Variants in NEK7 observed in about 807,000 individuals in gnomAD.
NEK7 encodes NIMA related kinase 7.
In NEK7, 18 loss-of-function variants were observed where a neutral mutation model predicts 44.6. That is an observed-to-expected ratio of 0.40 (90% CI 0.28 to 0.60). NEK7 has a LOEUF of 0.60. Ranked by LOEUF, NEK7 falls within the 20% of genes least tolerant of loss-of-function variation. The probability of loss-of-function intolerance (pLI) is 0.38; values close to 1 mark genes in which losing one functional copy is unlikely to be tolerated. For synonymous variants in NEK7, 130 were observed against 121.1 expected (o/e 1.07, Z -0.48); for missense variants, 256 against 366.5 (o/e 0.70, Z 2.46).
intron 1 of NEK7, among the ~76,000 whole-genome samples, chr1:198,211,826 C>T (rs1015808992): frequency 1.3e-5 from 2 of 152,080 alleles, no homozygotes; most frequent in African/African-American, 4.8e-5. Flanking sequence ...AGAAGCAACA[C>T]CGGAACTTAA....
chr1:198,293,565 A>C (rs1242220998), intron 8 of NEK7, among the ~76,000 whole-genome samples: 1 of 151,872 alleles, frequency 6.6e-6, no homozygotes, highest in Non-Finnish European at 1.5e-5. Context: ...CTTTTGTTCT[A>C]CTGGTGATCA....
chr1:198,219,255 A>G (rs1197377779), intron 1 of NEK7, among the ~76,000 whole-genome samples: 1 of 150,036 alleles, frequency 6.7e-6, no homozygotes, highest in Non-Finnish European at 1.5e-5. Flanking sequence ...TATTTTACAT[A>G]AAAATGTTTA....
intron 1 of NEK7, among the ~76,000 whole-genome samples, chr1:198,215,675 G>A (rs529442539): frequency 5.9e-5 from 9 of 152,146 alleles, no homozygotes; most frequent in African/African-American, 1.4e-4. Flanking sequence ...CACCTAACAC[G>A]TGAGGATTCT....
intron 1 of NEK7, among the ~76,000 whole-genome samples, chr1:198,176,935 T>G (rs1317908): frequency 0.47 from 72,094 of 151,890 alleles, 18,523 homozygotes; most frequent in East Asian, 0.9. Context: ...AGATGCAATA[T>G]AATTGGAAAT....
At chr1:198,212,424 T>A (rs554600668) in intron 1 of NEK7, among the ~76,000 whole-genome samples, 33 of 152,182 alleles carry the variant, frequency 2.2e-4, no homozygotes, top group Admixed American at 7.2e-4. Flanking sequence ...GCCACGTACC[T>A]GGGAGCAGAG....
At chr1:198,277,108 A>G (rs934789235) in intron 5 of NEK7, among the ~76,000 whole-genome samples, 5 of 151,812 alleles carry the variant, frequency 3.3e-5, no homozygotes, top group Non-Finnish European at 7.4e-5. Context: ...TTGGTCATTT[A>G]TAGGTATTGT....
intron 1 of NEK7, among the ~76,000 whole-genome samples, chr1:198,159,279 AG>A (rs751398201): frequency 6.6e-6 from 1 of 151,976 alleles, no homozygotes; most frequent in Non-Finnish European, 1.5e-5. Flanking sequence ...CGCCAGGCTG[AG>A]GGCCAGCCTG....
intron 5 of NEK7, among the ~76,000 whole-genome samples, chr1:198,267,352 A>G (rs1326050280): frequency 6.6e-6 from 1 of 152,182 alleles, no homozygotes; most frequent in Non-Finnish European, 1.5e-5. Context: ...GCTAAAAGCA[A>G]GTAGAATATA....
At chr1:198,255,048 C>T (rs1653206319) in intron 3 of NEK7, among the ~76,000 whole-genome samples, 1 of 152,078 alleles carries the variant, frequency 6.6e-6, no homozygotes. Context: ...TAATGTTAAA[C>T]CCTGTGGCAT....
intron 7 of NEK7, among the ~76,000 whole-genome samples, chr1:198,281,776 G>C (rs1209942973): frequency 6.6e-6 from 1 of 151,938 alleles, no homozygotes; most frequent in Admixed American, 6.6e-5. Context: ...GCAAGTCTTT[G>C]CATTTTCAAT....
chr1:198,227,870 G>T (rs1294403151), intron 1 of NEK7, among the ~76,000 whole-genome samples: 27 of 152,052 alleles, frequency 1.8e-4, no homozygotes, highest in East Asian at 1.5e-3. Flanking sequence ...CTCTTTAGTT[G>T]AATTAGATCC....
chr1:198,287,038 G>A (rs772238534), intron 7 of NEK7, among the ~76,000 whole-genome samples: 3 of 152,156 alleles, frequency 2.0e-5, no homozygotes, highest in Non-Finnish European at 4.4e-5. Context: ...AACAGGTATA[G>A]CACCAAGAGG....
chr1:198,212,015 G>GA (rs1665788306), intron 1 of NEK7, among the ~76,000 whole-genome samples: 1 of 152,198 alleles, frequency 6.6e-6, no homozygotes, highest in Admixed American at 6.5e-5. Flanking sequence ...ACTGAGCAAT[G>GA]GGAAGTCTAT....
intron 8 of NEK7, among the ~76,000 whole-genome samples, chr1:198,293,848 T>C (rs1654631382): frequency 6.6e-6 from 1 of 151,900 alleles, no homozygotes; most frequent in Admixed American, 6.5e-5. Context: ...ATGGAAGCAT[T>C]TTCATATCCC....
At chr1:198,257,524 C>G (rs911872305) in intron 3 of NEK7, among the ~76,000 whole-genome samples, 1 of 152,114 alleles carries the variant, frequency 6.6e-6, no homozygotes, top group African/African-American at 2.4e-5. Context: ...CCTTCAATCT[C>G]TTTTTCAGTG....
intron 1 of NEK7, among the ~76,000 whole-genome samples, chr1:198,218,201 G>A (rs1170068424): frequency 6.6e-6 from 1 of 151,998 alleles, no homozygotes; most frequent in African/African-American, 2.4e-5. Flanking sequence ...CAAACTGCAT[G>A]GTACTGGTAT....
chr1:198,247,689 A>C (rs1319430204), intron 2 of NEK7, among the ~76,000 whole-genome samples: 1 of 152,138 alleles, frequency 6.6e-6, no homozygotes, highest in Non-Finnish European at 1.5e-5. Flanking sequence ...GAAGAAGAAA[A>C]CAATGTACAA....
At chr1:198,186,278 G>C (rs1371124840) in intron 1 of NEK7, among the ~76,000 whole-genome samples, 3 of 152,116 alleles carry the variant, frequency 2.0e-5, no homozygotes, top group South Asian at 4.1e-4. Context: ...TGTGATGTAT[G>C]GCAAACTATA....
At chr1:198,185,190 A>ATTTTTTTTT (rs919588030) in intron 1 of NEK7, among the ~76,000 whole-genome samples, 6 of 83,842 alleles carry the variant, frequency 7.2e-5, no homozygotes, top group East Asian at 3.7e-4. Context: ...CATGCTGTCT[A>ATTTTTTTTT]TTTTTTTTTT....
Sources: allele counts gnomAD v4.1 joint callset (sites outside exome capture counted in the v4.1 genomes callset), GRCh38; gene constraint gnomAD v4.1.1; transcripts MANE v1.5; gene names NCBI Gene and HGNC (gene_info 2026-07-23, HGNC 2026-07-21).